The following FGF10 variants were observed in gnomAD, a reference collection of about 807,000 sequenced individuals.
The protein encoded by FGF10 is FGF-10.
In FGF10, 2 loss-of-function variants were observed where a neutral mutation model predicts 19.8. That is an observed-to-expected ratio of 0.10 (90% CI 0.04 to 0.32). FGF10 has a LOEUF of 0.32. Among genes scored for constraint, FGF10 ranks in the 10% least tolerant of loss-of-function variants. The probability of loss-of-function intolerance (pLI) is 1.00; values close to 1 mark genes in which losing one functional copy is unlikely to be tolerated. For missense variants in FGF10, 191 were observed against 246.3 expected, an observed-to-expected ratio of 0.78 and a Z score of 1.50; for synonymous variants, 112 against 94.0, an observed-to-expected ratio of 1.19 and a Z score of -1.10.
At chr5:44,340,196 A>G (rs993677205) in intron 1 of FGF10, among the ~76,000 whole-genome samples, 1 of 152,106 alleles carries the variant, frequency 6.6e-6, no homozygotes, top group Non-Finnish European at 1.5e-5. Flanking sequence ...ATAGCAGTGG[A>G]GGGGAAAAGC....
At chr5:44,348,799 T>C (rs12516566) in intron 1 of FGF10, among the ~76,000 whole-genome samples, 42,118 of 151,416 alleles carry the variant, frequency 0.28, 6,211 homozygotes, top group Admixed American at 0.4. Context: ...TATTTAATTT[T>C]TATCTGGCAG....
chr5:44,350,152 G>GA (rs2111819593), intron 1 of FGF10, among the ~76,000 whole-genome samples: 1 of 150,708 alleles, frequency 6.6e-6, no homozygotes, highest in African/African-American at 2.4e-5. Flanking sequence ...TTTAACTATT[G>GA]ATATGTATCT....
chr5:44,341,416 T>C (rs1448363569), intron 1 of FGF10, among the ~76,000 whole-genome samples: 1 of 151,958 alleles, frequency 6.6e-6, no homozygotes, highest in Admixed American at 6.6e-5. Flanking sequence ...AGAAGAAATA[T>C]GATATGGTTT....
chr5:44,326,346 A>G (rs1740613968), intron 1 of FGF10, among the ~76,000 whole-genome samples: 1 of 152,166 alleles, frequency 6.6e-6, no homozygotes, highest in Non-Finnish European at 1.5e-5. Context: ...AGTATGATGA[A>G]GAGGATGGCA....
chr5:44,379,334 C>A (rs1741938398), intron 1 of FGF10, among the ~76,000 whole-genome samples: 1 of 152,228 alleles, frequency 6.6e-6, no homozygotes, highest in Admixed American at 6.5e-5. Context: ...ACAAAGCAAG[C>A]ACTCAAATTT....
intron 1 of FGF10, among the ~76,000 whole-genome samples, chr5:44,351,624 G>C (rs1325794037): frequency 6.6e-6 from 1 of 151,618 alleles, no homozygotes; most frequent in East Asian, 1.9e-4. Flanking sequence ...TTCCAAGTCA[G>C]TCCCATCGTT....
intron 1 of FGF10, among the ~76,000 whole-genome samples, chr5:44,314,118 G>A (rs1016353455): frequency 5.3e-5 from 8 of 152,170 alleles, no homozygotes; most frequent in South Asian, 2.1e-4. Context: ...GTGTCCAGGG[G>A]AAGGCTGGGA....
chr5:44,322,261 A>G (rs1351366806), intron 1 of FGF10, among the ~76,000 whole-genome samples: 1 of 152,188 alleles, frequency 6.6e-6, no homozygotes, highest in Non-Finnish European at 1.5e-5. Context: ...TCAATCTGTC[A>G]CTTCAGGGGA....
intron 2 of FGF10, among the ~76,000 whole-genome samples, chr5:44,306,123 C>T (rs1006983918): frequency 1.3e-5 from 2 of 152,114 alleles, no homozygotes; most frequent in African/African-American, 2.4e-5. Context: ...AAGTAGCCTC[C>T]GCAGTGCCTC....
chr5:44,329,411 T>C (rs949201680), intron 1 of FGF10, among the ~76,000 whole-genome samples: 3 of 151,992 alleles, frequency 2.0e-5, no homozygotes, highest in African/African-American at 7.2e-5. Flanking sequence ...TTCTGACCTC[T>C]TGATCCTCCC....
chr5:44,340,383 T>C (rs994129295), intron 1 of FGF10, among the ~76,000 whole-genome samples: 4 of 152,108 alleles, frequency 2.6e-5, no homozygotes, highest in African/African-American at 9.7e-5. Context: ...CATTTTAGCT[T>C]CTTGGTGTAC....
intron 1 of FGF10, among the ~76,000 whole-genome samples, chr5:44,354,847 A>C (rs1013038254): frequency 6.6e-6 from 1 of 151,474 alleles, no homozygotes; most frequent in Non-Finnish European, 1.5e-5. Flanking sequence ...ACAATCCAAC[A>C]ATTAGTGCAC....
At chr5:44,357,440 G>T (rs538749603) in intron 1 of FGF10, among the ~76,000 whole-genome samples, 1 of 151,560 alleles carries the variant, frequency 6.6e-6, no homozygotes, top group African/African-American at 2.4e-5. Context: ...TCAGAGAAAT[G>T]GATGGAATTG....
At position 44,305,089 on chromosome 5, in the gene FGF10, A is replaced by G; in HGVS notation, c.533T>C (p.Val178Ala). The G allele has an allele frequency of 6.2e-7, 1 of 1,613,990 alleles. No individual in the cohort carries two copies. Among genetic ancestry groups the G allele is most frequent in the Non-Finnish European group, 8.5e-7 (1 of 1,179,910 alleles). Residue 178 changes from valine (V) to alanine (A), a missense_variant, in exon 3 of 3, where the codon GTG becomes GCG. This residue lies in a region of FGF10 where 99 missense variants were observed against 161.7 expected (regional missense o/e 0.61). Transcript: ENST00000264664. ...TGGAGCTCCTTTTCCATTCAATGCC[A>G]CATACATTTGCCTCCCATTATGCTG... ...NWQHNGRQMY[V>A]ALNGKGAPRR...
chr5:44,381,810 A>T (rs1474153293), intron 1 of FGF10, among the ~76,000 whole-genome samples: 2 of 152,192 alleles, frequency 1.3e-5, no homozygotes, highest in Non-Finnish European at 2.9e-5. Context: ...GCAATCCCAC[A>T]CTATTCAGAA....
In FGF10 at chr5:44,346,696, G is replaced by C. The variant is rs377644569; in HGVS notation, c.326-36166C>G. 9.9e-5 allele frequency among the ~76,000 whole-genome samples: 15 copies of C among 151,906 alleles called. No individual in the cohort carries two copies. In the East Asian group the frequency reaches 2.7e-3, roughly 28 times the overall value. ...ACATCGCCTCATAAGTAAATAATCT[G>C]ATACAAATAATCGGTCTCAAAGTAG... is the stretch of plus-strand genomic sequence containing the variant. On this transcript the variant is annotated intron_variant, in intron 1 of 2. Coordinates refer to ENST00000264664, the MANE Select transcript of FGF10 (RefSeq NM_004465.2).
intron 1 of FGF10, among the ~76,000 whole-genome samples, chr5:44,381,377 C>T (rs963308903): frequency 2.6e-5 from 4 of 152,028 alleles, no homozygotes; most frequent in Admixed American, 1.3e-4. Context: ...GGCCTCTGGC[C>T]CTGAATGTCA....
At chr5:44,336,637 G>T (rs1740859621) in intron 1 of FGF10, among the ~76,000 whole-genome samples, 1 of 152,058 alleles carries the variant, frequency 6.6e-6, no homozygotes, top group Non-Finnish European at 1.5e-5. Context: ...TTCAAATCCT[G>T]GGTCCACAAA....
intron 1 of FGF10, among the ~76,000 whole-genome samples, chr5:44,335,803 C>A (rs929320578): frequency 3.9e-5 from 6 of 152,044 alleles, no homozygotes; most frequent in Admixed American, 2.6e-4. Flanking sequence ...ATAGAATATG[C>A]TACTTTACCT....
Sources: gnomAD v4.1 joint callset for allele counts (sites outside exome capture counted in the v4.1 genomes callset) on GRCh38, gnomAD v4.1.1 for gene constraint, gnomAD v4.1.1 regional missense constraint, MANE v1.5 for transcripts, NCBI Gene and HGNC (gene_info 2026-07-23, HGNC 2026-07-21) for gene names.